Variants in GRAMD2A observed in about 807,000 individuals in gnomAD.
GRAMD2A encodes GRAM domain containing 2A, also known as GRAM domain-containing protein 2A.
GRAMD2A carries 37 observed loss-of-function variants against 51.1 expected under a neutral mutation model. The ratio of observed to expected loss-of-function variants is 0.72; its 90% CI spans 0.56 to 0.95. GRAMD2A has a LOEUF of 0.95. GRAMD2A is among the 40% of genes least tolerant of loss of function. GRAMD2A has a pLI of 0.00. For synonymous variants in GRAMD2A, 136 were observed against 157.1 expected, an observed-to-expected ratio of 0.87 and a Z score of 1.01; for missense variants, 414 against 426.9, an observed-to-expected ratio of 0.97 and a Z score of 0.27.
intron 1 of GRAMD2A, among the ~76,000 whole-genome samples, chr15:72,184,093 TTC>T (rs1283886181): frequency 6.6e-6 from 1 of 152,238 alleles, no homozygotes; most frequent in African/African-American, 2.4e-5. Flanking sequence ...GATTGCATCT[TTC>T]TCTCCTGGTT....
rs150011734 is a variant in GRAMD2A, at chr15:72,166,894, G to C, written c.471+100C>G. 3.8e-5 allele frequency: 38 copies of C among 1,007,532 alleles called. No homozygotes were observed. Among genetic ancestry groups the C allele is most frequent in the South Asian group, 3.0e-4 (23 of 76,816 alleles). The allele number at this position is 1,007,532 out of a possible 1,614,324, so 62.4% of individuals were successfully genotyped here. ...AATACCTACTGGAGAGCTGCAGGGT[G>C]GGGTGAAATAAAGACCTGGGAATGT... On this transcript the variant is annotated intron_variant, in intron 6 of 11. Transcript: ENST00000309731. This position sits in a 1 kb window ranked among gnomAD's most constrained non-coding sequence, Gnocchi z 4.1.
Position 72,171,358 on chromosome 15 carries a change from G to A in GRAMD2A, c.42-1419C>T, listed in dbSNP as rs533076100. ...ATATATAAGATCAAAATCACCTAAA[G>A]ATTCCCCAAAAATCACCCAAATAAA... On this transcript the variant is annotated intron_variant, in intron 1 of 11. Transcript: ENST00000309731. Among the ~76,000 whole-genome samples the A allele has an allele frequency of 2.8e-4, 43 of 151,278 alleles. No individual in the cohort carries two copies. The South Asian group carries it at 7.7e-3, about 27-fold the overall frequency.
At chr15:72,164,596 G>A (rs2081519974) in intron 8 of GRAMD2A, among the ~76,000 whole-genome samples, 1 of 151,974 alleles carries the variant, frequency 6.6e-6, no homozygotes, top group South Asian at 2.1e-4. Context: ...ATTGAGACAG[G>A]GTCTCACTAT....
rs530911376 is a variant in GRAMD2A at position 72,167,661 on chromosome 15, C to G, written c.372+75G>C. 117 of 1,165,718 alleles carry G rather than the reference C, an allele frequency of 1.0e-4. 2 individuals are homozygous for G. In the South Asian group the frequency reaches 1.0e-3, roughly 10 times the overall value. The allele number at this position is 1,165,718 out of a possible 1,614,324, so 72.2% of individuals were successfully genotyped here. ...CCAGCACGCAGAGAGATAGGCATGA[C>G]TTTGAGGCATGCCCGTGGGGCAGGA... On this transcript the variant is annotated intron_variant, in intron 5 of 11. Coordinates refer to ENST00000309731, the MANE Select transcript of GRAMD2A (RefSeq NM_001012642.3).
chr15:72,185,938 C>A (rs1237484352), intron 1 of GRAMD2A, among the ~76,000 whole-genome samples: 1 of 152,122 alleles, frequency 6.6e-6, no homozygotes, highest in Admixed American at 6.5e-5. Context: ...TTTTAAATAT[C>A]AGGAAAAGTT....
At position 72,197,779 on chromosome 15, in the gene GRAMD2A, C is replaced by A; in HGVS notation, c.-8G>T. On this transcript the variant is annotated 5_prime_UTR_variant, in exon 1 of 12. Coordinates refer to ENST00000309731, the MANE Select transcript of GRAMD2A (RefSeq NM_001012642.3). The stretch of plus-strand genomic sequence containing the variant: ...CCGGCTTAAAGCGGTCATCCCGGCG[C>A]CTGCACCCAGCGCCCCGACCGCGCG... The A allele has an allele frequency of 7.8e-7, 1 of 1,288,998 alleles. No homozygotes were observed. The highest frequency in any genetic ancestry group is 2.1e-5 in the South Asian group (1 of 46,878). The allele number at this position is 1,288,998 out of a possible 1,614,324, so 79.8% of individuals were successfully genotyped here.
At chr15:72,169,686 G>A (rs912309573) in intron 2 of GRAMD2A, 161 bp downstream of exon 2, 6 of 695,656 alleles carry the variant, frequency 8.6e-6, no homozygotes, top group Non-Finnish European at 1.6e-5. Context: ...GGACAGTCTT[G>A]AGGGGCGGGA....
At chr15:72,187,493 AC>A (rs1171218676) in intron 1 of GRAMD2A, among the ~76,000 whole-genome samples, 4 of 151,836 alleles carry the variant, frequency 2.6e-5, no homozygotes, top group South Asian at 2.1e-4. Context: ...TAAAAAAAAA[AC>A]AACAGTAAAT....
At chr15:72,180,589 C>G (rs1175933523) in intron 1 of GRAMD2A, among the ~76,000 whole-genome samples, 2 of 152,200 alleles carry the variant, frequency 1.3e-5, no homozygotes, top group Admixed American at 1.3e-4. Context: ...GACAGCCCAC[C>G]CCAACCACCC....
At chr15:72,168,712 G>A (rs1050736432) in intron 3 of GRAMD2A, 146 bp from the exon 4 acceptor site, 5 of 766,498 alleles carry the variant, frequency 6.5e-6, no homozygotes, top group African/African-American at 3.4e-5. Flanking sequence ...AGTGAGTATG[G>A]AGGGCTGTGT....
chr15:72,193,719 G>A (rs1486764341), intron 1 of GRAMD2A, among the ~76,000 whole-genome samples: 4 of 150,140 alleles, frequency 2.7e-5, no homozygotes, highest in Admixed American at 2.0e-4. Flanking sequence ...GTAGAGATGG[G>A]GTTTCGCCCT....
intron 8 of GRAMD2A, among the ~76,000 whole-genome samples, chr15:72,164,734 C>T (rs1299074399): frequency 6.6e-6 from 1 of 152,118 alleles, no homozygotes; most frequent in Non-Finnish European, 1.5e-5. Flanking sequence ...CCTTGAAGGC[C>T]CTCTTGACTC....
At chr15:72,190,644 G>A (rs774873358) in intron 1 of GRAMD2A, among the ~76,000 whole-genome samples, 6 of 152,160 alleles carry the variant, frequency 3.9e-5, no homozygotes, top group Admixed American at 1.3e-4. Context: ...CATTATGGAC[G>A]CAGATTGACA....
chr15:72,166,139 G>A lies in GRAMD2A; in HGVS notation c.543+493C>T, dbSNP rs1435235358. On this transcript the variant is annotated intron_variant, in intron 7 of 11. Coordinates refer to ENST00000309731, the MANE Select transcript of GRAMD2A (RefSeq NM_001012642.3). This position sits in a 1 kb window ranked among gnomAD's most constrained non-coding sequence, Gnocchi z 4.1. ...CTGCCTCGGCCTCCCAAAGTGCTGG[G>A]ACCATACAGCCATTGTTTTTCACAT... Among the ~76,000 whole-genome samples the A allele has an allele frequency of 1.3e-5, 2 of 152,170 alleles. No homozygotes were observed. The highest frequency in any genetic ancestry group is 2.4e-5 in the African/African-American group (1 of 41,438).
In GRAMD2A at chr15:72,166,712, T is replaced by C. The variant is rs762134367; in HGVS notation, c.472-9A>G. 3 of 1,610,758 alleles carry C rather than the reference T, an allele frequency of 1.9e-6. No individual in the cohort carries two copies. Among genetic ancestry groups the C allele is most frequent in the South Asian group, 1.1e-5 (1 of 91,020 alleles). ...AGTGACACAAAGATATACTGGGACA[T>C]GGAAAGAAAACAGACAGGGGTAGGG... On this transcript the variant is annotated splice_polypyrimidine_tract_variant and intron_variant, in intron 6 of 11. Coordinates refer to ENST00000309731, the MANE Select transcript of GRAMD2A (RefSeq NM_001012642.3). The surrounding 1 kb of genome is among the most constrained non-coding windows in gnomAD (Gnocchi z 4.1).
At chr15:72,188,191 G>C (rs903575523) in intron 1 of GRAMD2A, among the ~76,000 whole-genome samples, 2 of 152,046 alleles carry the variant, frequency 1.3e-5, no homozygotes, top group South Asian at 4.1e-4. Context: ...ACAAAAATTA[G>C]CTGGGTATGG....
intron 1 of GRAMD2A, among the ~76,000 whole-genome samples, chr15:72,191,132 G>A (rs770358722): frequency 1.3e-5 from 2 of 152,120 alleles, no homozygotes; most frequent in Non-Finnish European, 2.9e-5. Context: ...AGAAATAAGA[G>A]TCAAGTATTT....
chr15:72,181,436 C>T (rs763187009), intron 1 of GRAMD2A, among the ~76,000 whole-genome samples: 6 of 152,112 alleles, frequency 3.9e-5, no homozygotes, highest in Admixed American at 6.6e-5. Context: ...GTGATACATA[C>T]GTGGGGATCC....
In GRAMD2A at chr15:72,170,251, A is replaced by G. The variant is rs768381043; in HGVS notation, c.42-312T>C. ...GGCAGCTCGTAGGCCAGGCTGAGTG[A>G]GGCCTCTAGCCCCACCCTTGAGGAG... On this transcript the variant is annotated intron_variant, in intron 1 of 11. Transcript: ENST00000309731. This position sits in a 1 kb window ranked among gnomAD's most constrained non-coding sequence, Gnocchi z 4.5. 1 of 526,674 alleles carries G rather than the reference A, an allele frequency of 1.9e-6. No homozygotes were observed. Among genetic ancestry groups the G allele is most frequent in the Non-Finnish European group, 3.7e-6 (1 of 273,516 alleles). The allele number at this position is 526,674 out of a possible 1,614,324, so 32.6% of individuals were successfully genotyped here. A position where few individuals can be genotyped will look rare whatever the true frequency, so the allele number is the denominator to read the frequency against.
Sources: gnomAD v4.1 joint callset for allele counts (sites outside exome capture counted in the v4.1 genomes callset) on GRCh38, gnomAD v4.1.1 for gene constraint, Gnocchi (gnomAD v3.1) non-coding constraint, MANE v1.5 for transcripts, NCBI Gene and HGNC (gene_info 2026-07-23, HGNC 2026-07-21) for gene names.